RMDN2: variants seen among roughly 807,000 people sequenced by gnomAD.
The protein encoded by RMDN2 is regulator of microtubule dynamics 2, also known as regulator of microtubule dynamics protein 2.
RMDN2 carries 61 observed loss-of-function variants against 52.8 expected under a neutral mutation model. The observed-to-expected ratio is 1.16, with a 90% CI of 0.94 to 1.43. The LOEUF (loss-of-function observed/expected upper bound fraction) is 1.43. Among genes scored for constraint, RMDN2 ranks in the 40% most tolerant of loss-of-function variants. The probability of loss-of-function intolerance (pLI) is 0.00; values close to 1 mark genes in which losing one functional copy is unlikely to be tolerated. For synonymous variants in RMDN2, 180 were observed against 153.1 expected (o/e 1.18, Z -1.30); for missense variants, 592 against 475.3 (o/e 1.25, Z -2.28).
chr2:37,957,722 G>A (rs1011878936), intron 2 of RMDN2, among the ~76,000 whole-genome samples: 55 of 152,272 alleles, frequency 3.6e-4, no homozygotes, highest in African/African-American at 1.3e-3. Context: ...TTTTGCCCAT[G>A]CCTATGTCCT....
chr2:37,955,961 A>T (rs1000157858), intron 2 of RMDN2, among the ~76,000 whole-genome samples: 20 of 51,754 alleles, frequency 3.9e-4, no homozygotes, highest in Non-Finnish European at 5.1e-4. Flanking sequence ...CTGTTATTTC[A>T]TTCAGAATTT....
At chr2:37,925,491 G>A (rs888134622) in intron 1 of RMDN2, 66 bp downstream of exon 1, 7 of 152,678 alleles carry the variant, frequency 4.6e-5, no homozygotes, top group African/African-American at 1.2e-4. Context: ...GGGACTTGCG[G>A]AGGGAAGCGG....
chr2:37,994,104 C>G (rs1283968611), intron 7 of RMDN2, among the ~76,000 whole-genome samples: 1 of 152,108 alleles, frequency 6.6e-6, no homozygotes, highest in African/African-American at 2.4e-5. Context: ...ATGATGAGTT[C>G]ACAGTCAAAA....
chr2:38,032,057 A>G (rs184235231), intron 10 of RMDN2, among the ~76,000 whole-genome samples: 22 of 152,342 alleles, frequency 1.4e-4, no homozygotes, highest in African/African-American at 4.6e-4. Flanking sequence ...AAACCCATTC[A>G]TAGAAAGAGT....
At position 37,969,697 on chromosome 2, in the gene RMDN2, T is replaced by G. The variant is rs1671540509; in HGVS notation, c.453-4343T>G. ...AATATTGTGCCAAAAAGACTTCCAG[T>G]ACAATGTTGAATAGAAGAGCAATAT... is the stretch of plus-strand genomic sequence containing the variant. On this transcript the variant is annotated intron_variant, in intron 2 of 10. Transcript: ENST00000354545. Among the ~76,000 whole-genome samples the G allele has an allele frequency of 2.6e-5, 4 of 152,214 alleles. No homozygotes were observed. In the South Asian group the frequency reaches 8.3e-4, roughly 32 times the overall value.
At chr2:37,968,105 C>G (rs1671306356) in intron 2 of RMDN2, among the ~76,000 whole-genome samples, 1 of 152,128 alleles carries the variant, frequency 6.6e-6, no homozygotes, top group Non-Finnish European at 1.5e-5. Flanking sequence ...GTTTCTTGGT[C>G]TCCCACAAAG....
At chr2:37,982,230 C>G (rs1673415401) in intron 5 of RMDN2, among the ~76,000 whole-genome samples, 1 of 152,324 alleles carries the variant, frequency 6.6e-6, no homozygotes, top group African/African-American at 2.4e-5. Flanking sequence ...CCACCAAAAT[C>G]TGAAGTACAA....
chr2:37,993,063 T>G (rs1675024625), intron 7 of RMDN2, among the ~76,000 whole-genome samples: 2 of 152,282 alleles, frequency 1.3e-5, no homozygotes, highest in South Asian at 4.1e-4. Flanking sequence ...TACACGCGTG[T>G]GCCACCACGC....
chr2:38,000,851 GA>G (rs1243253560), intron 8 of RMDN2, among the ~76,000 whole-genome samples: 1 of 152,334 alleles, frequency 6.6e-6, no homozygotes, highest in Admixed American at 6.5e-5. Context: ...TCTTGGATAA[GA>G]ACCTAGGGGT....
intron 2 of RMDN2, among the ~76,000 whole-genome samples, chr2:37,957,860 A>G (rs367848723): frequency 1.3e-5 from 2 of 152,194 alleles, no homozygotes; most frequent in African/African-American, 2.4e-5. Flanking sequence ...AGTTTTCTGC[A>G]TATGGCTAGC....
rs374359251 is a variant in RMDN2, at chr2:37,950,558, T to C, written c.452+20829T>C. ...ACGGCCTAGAAGGGAAGGGAGAGAC[T>C]TACTTTGGATTAAATTTACAATGGG... On this transcript the variant is annotated intron_variant, in intron 2 of 10. Coordinates refer to ENST00000354545, the MANE Select transcript of RMDN2 (RefSeq NM_001170791.3). The C allele has an allele frequency of 1.9e-5, 31 of 1,613,146 alleles. No homozygotes were observed. The African/African-American group carries it at 3.9e-4, about 20-fold the overall frequency.
At chr2:37,985,957 T>C (rs978848405) in intron 5 of RMDN2, among the ~76,000 whole-genome samples, 1 of 152,138 alleles carries the variant, frequency 6.6e-6, no homozygotes, top group Non-Finnish European at 1.5e-5. Context: ...TTTTGACAAA[T>C]GTACTGTAGT....
rs549072103 is a variant in RMDN2, at chr2:38,040,396, G to A, written c.1714-26586G>A. 2.0e-3 allele frequency among the ~76,000 whole-genome samples: 300 copies of A among 152,196 alleles called. 1 individual carries two copies. Among genetic ancestry groups the A allele is most frequent in the Non-Finnish European group, 3.8e-3 (255 of 67,988 alleles). The stretch of plus-strand genomic sequence containing the variant: ...CCTTTGGAGAGTGATTAAGTCATGA[G>A]GGTTCTACTGTCATGAATAGGATTA... On this transcript the variant is annotated intron_variant, in intron 10 of 10. Transcript: ENST00000234195.
At chr2:37,958,851 G>A (rs34127761) in intron 2 of RMDN2, among the ~76,000 whole-genome samples, 45 of 150,970 alleles carry the variant, frequency 3.0e-4, no homozygotes, top group Non-Finnish European at 4.7e-4. Context: ...GCATGAAGCC[G>A]TGTTGAATTT....
At chr2:38,012,871 A>T (rs1200963928) in intron 10 of RMDN2, among the ~76,000 whole-genome samples, 1 of 152,170 alleles carries the variant, frequency 6.6e-6, no homozygotes, top group South Asian at 2.1e-4. Context: ...ATTTCATAAG[A>T]TGTTTGTTTC....
Position 38,017,220 on chromosome 2 carries a change from T to G in RMDN2, c.1214T>G (p.Met405Arg). Residue 405 changes from methionine (M) to arginine (R), a missense_variant, in exon 11 of 11, where the codon ATG becomes AGG. Physicochemically the swap from Met to Arg is moderately conservative, Grantham distance 91 (BLOSUM62 -1). Coordinates refer to ENST00000354545, the MANE Select transcript of RMDN2 (RefSeq NM_001170791.3). ...KEAQKEMQKI[M>R]TSLKR is the part of the protein sequence containing the mutation. Reference sequence around the variant, plus strand: ...GCACAGAAAGAGATGCAAAAAATAATGACTTCCTTGAAGAGGTAAATAAAC... The same window carrying G: ...GCACAGAAAGAGATGCAAAAAATAAGGACTTCCTTGAAGAGGTAAATAAAC... 1 of 1,534,498 alleles carries G rather than the reference T, an allele frequency of 6.5e-7. No homozygotes were observed. The highest frequency in any genetic ancestry group is 8.8e-7 in the Non-Finnish European group (1 of 1,138,412).
chr2:37,995,236 A>C (rs941992563), intron 7 of RMDN2, among the ~76,000 whole-genome samples: 2 of 152,138 alleles, frequency 1.3e-5, no homozygotes, highest in Non-Finnish European at 2.9e-5. Flanking sequence ...ATAGTAACCA[A>C]ATAAATAATA....
chr2:38,043,386 T>C (rs930618599), intron 10 of RMDN2, among the ~76,000 whole-genome samples: 1 of 152,178 alleles, frequency 6.6e-6, no homozygotes, highest in African/African-American at 2.4e-5. Flanking sequence ...TGTCTTTATA[T>C]TTAGTGTAGG....
At position 38,039,089 on chromosome 2, in the gene RMDN2, CACACAG is replaced by C. The variant is rs1162213359; in HGVS notation, c.1714-27891_1714-27886del. On this transcript the variant is annotated intron_variant, in intron 10 of 10. Coordinates refer to the RMDN2 transcript ENST00000234195. Reference sequence around the variant, plus strand: ...ACACACACACACACACACACACACACACACAGAGAGAGAGATAAAATGTTCATGGAT... The same window carrying C: ...ACACACACACACACACACACACACACAGAGAGAGATAAAATGTTCATGGAT... Among the ~76,000 whole-genome samples, 360 of 111,358 alleles carry C rather than the reference CACACAG, an allele frequency of 3.2e-3. 4 individuals carry two copies. Among genetic ancestry groups the C allele is most frequent in the Middle Eastern group, 0.012 (3 of 252 alleles). The allele number at this position is 111,358 out of a possible 152,430, so 73.1% of individuals were successfully genotyped here.
Sources: gnomAD v4.1 joint callset for allele counts (sites outside exome capture counted in the v4.1 genomes callset) on GRCh38, gnomAD v4.1.1 for gene constraint, MANE v1.5 for transcripts, NCBI Gene and HGNC (gene_info 2026-07-23, HGNC 2026-07-21) for gene names.